EIF5B: variants seen among roughly 807,000 people sequenced by gnomAD.
The protein encoded by EIF5B is eukaryotic translation initiation factor 5B, also known as eIF-5B.
EIF5B carries 47 observed loss-of-function variants against 147.5 expected under a neutral mutation model. The ratio of observed to expected loss-of-function variants is 0.32; its 90% CI spans 0.25 to 0.41. The LOEUF (loss-of-function observed/expected upper bound fraction) is 0.41. Ranked by LOEUF, EIF5B falls within the 10% of genes least tolerant of loss-of-function variation. The pLI is 1.00. For missense variants in EIF5B, 1,064 were observed against 1,413.2 expected, an observed-to-expected ratio of 0.75 and a Z score of 3.96; for synonymous variants, 455 against 456.2, an observed-to-expected ratio of 1.00 and a Z score of 0.03.
intron 7 of EIF5B, 139 bp downstream of exon 7, chr2:99,368,730 T>C (rs771199544): frequency 1.5e-5 from 10 of 651,196 alleles, no homozygotes; most frequent in Non-Finnish European, 2.7e-5. Flanking sequence ...TTATTTCTTA[T>C]TAATGCCATT....
chr2:99,337,597 G>A lies in EIF5B; in HGVS notation c.35+8G>A, dbSNP rs554547416. ...AAACAAGAGCGAAGACAGGTAGATA[G>A]GGGTTGGGTCCGTACGGCGGCGGCC... On this transcript the variant is annotated splice_region_variant and intron_variant, in intron 1 of 23. Transcript: ENST00000289371. The A allele has an allele frequency of 6.2e-7, 1 of 1,612,414 alleles. No homozygotes were observed. Among genetic ancestry groups the A allele is most frequent in the Admixed American group, 1.7e-5 (1 of 59,832 alleles).
At chr2:99,355,899 CA>C (rs1183166171) in intron 1 of EIF5B, among the ~76,000 whole-genome samples, 2 of 152,092 alleles carry the variant, frequency 1.3e-5, no homozygotes. Flanking sequence ...AGGCGTGAGG[CA>C]CTGCACCCGG....
chr2:99,338,971 T>TACAA, intron 1 of EIF5B, among the ~76,000 whole-genome samples: 1 of 145,006 alleles, frequency 6.9e-6, no homozygotes, highest in East Asian at 2.0e-4. Flanking sequence ...TATAAATATA[T>TACAA]ATATATACAA....
intron 21 of EIF5B, among the ~76,000 whole-genome samples, chr2:99,396,140 A>G (rs1159515905): frequency 2.0e-5 from 3 of 152,202 alleles, no homozygotes; most frequent in Non-Finnish European, 4.4e-5. Flanking sequence ...GGAGCTTACT[A>G]GTAAATATTA....
At chr2:99,346,097 C>G (rs1030210977) in intron 1 of EIF5B, among the ~76,000 whole-genome samples, 3 of 152,114 alleles carry the variant, frequency 2.0e-5, no homozygotes, top group Non-Finnish European at 2.9e-5. Flanking sequence ...GTACCACCCT[C>G]GAGATTTCAC....
rs1265551641 is a variant in EIF5B at position 99,363,682 on chromosome 2, G to T, written c.957G>T (p.Lys319Asn). 1.3e-6 allele frequency: 2 copies of T among 1,590,104 alleles called. No homozygotes were observed. The highest frequency in any genetic ancestry group is 1.7e-6 in the Non-Finnish European group (2 of 1,173,888). The stretch of plus-strand genomic sequence containing the variant: ...GAGACAAAAAGAAGAAAGATAAGAA[G>T]AAAAAGAAAGGAGAAAAGGAAGAAA... ...NEGDKKKKDK[K>N]KKKGEKEEKE... is the part of the protein sequence containing the mutation. Residue 319 changes from lysine to asparagine, a missense_variant, in exon 5 of 24, where the codon AAG becomes AAT. Coordinates refer to ENST00000289371, the MANE Select transcript of EIF5B (RefSeq NM_015904.4).
At chr2:99,387,590 A>G (rs1309333403) in intron 14 of EIF5B, among the ~76,000 whole-genome samples, 1 of 152,300 alleles carries the variant, frequency 6.6e-6, no homozygotes, top group South Asian at 2.1e-4. Flanking sequence ...GTAGTGGTAA[A>G]TCCTTCAACT....
intron 1 of EIF5B, among the ~76,000 whole-genome samples, chr2:99,339,288 C>T (rs1325171126): frequency 6.6e-6 from 1 of 151,978 alleles, no homozygotes; most frequent in Non-Finnish European, 1.5e-5. Flanking sequence ...GCTGGGATTA[C>T]AGGCGTGATC....
intron 6 of EIF5B, among the ~76,000 whole-genome samples, chr2:99,366,539 T>G (rs1422745934): frequency 6.6e-6 from 1 of 152,016 alleles, no homozygotes; most frequent in African/African-American, 2.4e-5. Flanking sequence ...TATACATTCC[T>G]ACGTTAGAGA....
intron 17 of EIF5B, among the ~76,000 whole-genome samples, chr2:99,392,556 C>T (rs941227254): frequency 2.6e-5 from 4 of 152,116 alleles, no homozygotes; most frequent in African/African-American, 4.8e-5. Flanking sequence ...TTTTGCCATT[C>T]TGCTAAGTGT....
At position 99,337,608 on chromosome 2, in the gene EIF5B, C is replaced by G; in HGVS notation, c.35+19C>G. The G allele has an allele frequency of 6.2e-7, 1 of 1,602,922 alleles. No homozygotes were observed. The highest frequency in any genetic ancestry group is 1.1e-5 in the South Asian group (1 of 90,178). ...AAGACAGGTAGATAGGGGTTGGGTC[C>G]GTACGGCGGCGGCCGCCGTGGCTCA... On this transcript the variant is annotated intron_variant, in intron 1 of 23. Coordinates refer to ENST00000289371, the MANE Select transcript of EIF5B (RefSeq NM_015904.4).
Position 99,337,484 on chromosome 2 carries a change from T to G in EIF5B, c.-71T>G. 2 of 1,576,044 alleles carry G rather than the reference T, an allele frequency of 1.3e-6. No homozygotes were observed. Among genetic ancestry groups the G allele is most frequent in the Non-Finnish European group, 1.7e-6 (2 of 1,160,228 alleles). ...GAAAAGAGCTGAGCGGAGACCAAAG[T>G]CAGCCGGGAGACAGTGGGTCTGTGA... On this transcript the variant is annotated 5_prime_UTR_variant, in exon 1 of 24. Coordinates refer to ENST00000289371, the MANE Select transcript of EIF5B (RefSeq NM_015904.4).
Position 99,376,426 on chromosome 2 carries a change from TGAA to T in EIF5B, c.1636_1638del (p.Glu546del), listed in dbSNP as rs768509532. The T allele has an allele frequency of 3.2e-6, 5 of 1,570,686 alleles. No individual in the cohort carries two copies. In the Admixed American group the frequency reaches 5.0e-5, roughly 16 times the overall value. Reference sequence around the variant, plus strand: ...AGGAGGAAGAAGAGGAAGAAGAAGATGAAGAAAGTGAAGAAGAGGAGGAAGAGG... The same window carrying T: ...AGGAGGAAGAAGAGGAAGAAGAAGATGAAAGTGAAGAAGAGGAGGAAGAGG... On this transcript the variant is annotated inframe_deletion, in exon 10 of 24. Coordinates refer to ENST00000289371, the MANE Select transcript of EIF5B (RefSeq NM_015904.4).
intron 6 of EIF5B, among the ~76,000 whole-genome samples, chr2:99,367,469 C>T (rs1341162049): frequency 3.4e-5 from 5 of 145,598 alleles, no homozygotes; most frequent in Non-Finnish European, 6.0e-5. Flanking sequence ...GACAGAGTTT[C>T]GCTATTGTCC....
chr2:99,367,388 TAA>T, intron 6 of EIF5B, among the ~76,000 whole-genome samples: 1 of 149,412 alleles, frequency 6.7e-6, no homozygotes, highest in Non-Finnish European at 1.5e-5. Flanking sequence ...AAGAATGTTC[TAA>T]AAAAAGAGAA....
At chr2:99,365,986 C>T (rs1465893601) in intron 6 of EIF5B, among the ~76,000 whole-genome samples, 1 of 152,162 alleles carries the variant, frequency 6.6e-6, no homozygotes, top group African/African-American at 2.4e-5. Context: ...AAAATGTACT[C>T]TCAGAGAGTG....
intron 1 of EIF5B, among the ~76,000 whole-genome samples, chr2:99,353,020 TTTTTTTTTTTTTG>T (rs1559245448): frequency 2.4e-5 from 3 of 123,276 alleles, no homozygotes; most frequent in South Asian, 3.0e-4. Flanking sequence ...TTTTTTTTTT[TTTTTTTTTTTTTG>T]AGACGGAGTC....
chr2:99,385,920 T>G (rs1384134130), intron 14 of EIF5B, among the ~76,000 whole-genome samples: 1 of 152,270 alleles, frequency 6.6e-6, no homozygotes, highest in Non-Finnish European at 1.5e-5. Flanking sequence ...GATCTTTCTG[T>G]GTCATATGGA....
At chr2:99,359,299 G>A (rs1474707835) in intron 1 of EIF5B, among the ~76,000 whole-genome samples, 3 of 151,964 alleles carry the variant, frequency 2.0e-5, no homozygotes, top group African/African-American at 7.2e-5. Context: ...AACCCAGGAG[G>A]TGGAGGTTGC....
Sources: gnomAD v4.1 joint callset for allele counts (sites outside exome capture counted in the v4.1 genomes callset) on GRCh38, gnomAD v4.1.1 for gene constraint, MANE v1.5 for transcripts, NCBI Gene and HGNC (gene_info 2026-07-23, HGNC 2026-07-21) for gene names.